TPTE2: variants seen among roughly 807,000 people sequenced by gnomAD.
TPTE2 encodes transmembrane phosphoinositide 3-phosphatase and tensin homolog 2.
TPTE2 carries 53 observed loss-of-function variants against 78.6 expected under a neutral mutation model. The ratio of observed to expected loss-of-function variants is 0.67; its 90% CI spans 0.54 to 0.85. The LOEUF (loss-of-function observed/expected upper bound fraction) is 0.85. Among genes scored for constraint, TPTE2 ranks in the 40% least tolerant of loss-of-function variants. The probability of loss-of-function intolerance (pLI) is 0.00; values close to 1 mark genes in which losing one functional copy is unlikely to be tolerated. For synonymous variants in TPTE2, 175 were observed against 206.2 expected, an observed-to-expected ratio of 0.85 and a Z score of 1.30; for missense variants, 461 against 623.0, an observed-to-expected ratio of 0.74 and a Z score of 2.77.
chr13:19,425,149 A>G (rs1055872852), intron 18 of TPTE2, 132 bp from the exon 22 acceptor site: 54 of 482,116 alleles, frequency 1.1e-4, no homozygotes, highest in Admixed American at 6.9e-4. Flanking sequence ...AGCACTCTGC[A>G]ATCTATAACA....
intron 10 of TPTE2, among the ~76,000 whole-genome samples, chr13:19,455,287 G>T (rs1428949674): frequency 1.3e-5 from 2 of 152,208 alleles, no homozygotes; most frequent in African/African-American, 2.4e-5. Flanking sequence ...GTATAAAAAT[G>T]CTTCCCTGCC....
chr13:19,561,319 G>T, the TPTE2 span: 1 of 743,382 alleles, frequency 1.3e-6, no homozygotes, highest in Non-Finnish European at 2.1e-6. Flanking sequence ...CAGGCACACG[G>T]CGGGGGCCGC....
chr13:19,423,528 C>A (rs1311376287), intron 19 of TPTE2, among the ~76,000 whole-genome samples: 1 of 152,070 alleles, frequency 6.6e-6, no homozygotes, highest in Admixed American at 6.6e-5. Context: ...TGTGAAGTTG[C>A]AATTTTTTGA....
intron 1 of TPTE2, among the ~76,000 whole-genome samples, chr13:19,517,254 C>T (rs903494816): frequency 5.9e-5 from 9 of 152,318 alleles, no homozygotes; most frequent in Admixed American, 5.9e-4. Context: ...AATCAAGATC[C>T]TGTTAGCAGT....
chr13:19,450,280 A>G (rs1878093733), exon 12 of TPTE2: 1 of 1,611,350 alleles, frequency 6.2e-7, no homozygotes, highest in Non-Finnish European at 8.5e-7. Context: ...TGGGGACATT[A>G]TGATCATCAA....
chr13:19,522,619 C>CTTTTTTTT (rs57248346), intron 1 of TPTE2, among the ~76,000 whole-genome samples: 44 of 121,646 alleles, frequency 3.6e-4, no homozygotes, highest in Middle Eastern at 4.0e-3. Flanking sequence ...CTTTTTTTTT[C>CTTTTTTTT]TTTTTTTTTT....
rs761882184 is a variant in TPTE2 at position 19,467,355 on chromosome 13, A to T, written c.393-11T>A. The T allele has an allele frequency of 6.8e-4, 59 of 86,494 alleles. No homozygotes were observed. Among genetic ancestry groups the T allele is most frequent in the East Asian group, 2.9e-3 (4 of 1,398 alleles). 5.4% of individuals were successfully genotyped at this position (86,494 alleles called of 1,614,324 possible). On this transcript the variant is annotated splice_polypyrimidine_tract_variant and intron_variant, in intron 6 of 19. Coordinates refer to ENST00000400230, the Ensembl canonical transcript of TPTE2. Reference sequence around the variant, plus strand: ...AAATACTGCTGTCTCCTGTAATATAAAAAAAAAAAAAAAAAAGTTCATTTC... The same window carrying T: ...AAATACTGCTGTCTCCTGTAATATATAAAAAAAAAAAAAAAAGTTCATTTC...
intron 4 of TPTE2, among the ~76,000 whole-genome samples, chr13:19,481,293 G>A (rs1268411464): frequency 3.3e-5 from 5 of 152,054 alleles, no homozygotes; most frequent in African/African-American, 1.2e-4. Context: ...AAGTATTTTT[G>A]CATGTTATTT....
chr13:19,434,340 T>C (rs145473120), intron 15 of TPTE2, among the ~76,000 whole-genome samples: 3,768 of 152,252 alleles, frequency 0.025, 126 homozygotes, highest in African/African-American at 0.072. Context: ...GGGTATCAAG[T>C]GTCCATAGGC....
upstream of TPTE2, among the ~76,000 whole-genome samples, chr13:19,539,136 C>T (rs186457123): frequency 2.2e-3 from 334 of 152,318 alleles, 1 homozygote; most frequent in Non-Finnish European, 2.1e-3. Context: ...GGGCAGAGCC[C>T]TCATGATCCA....
upstream of TPTE2, among the ~76,000 whole-genome samples, chr13:19,504,847 T>G (rs1566069282): frequency 6.6e-6 from 1 of 152,066 alleles, no homozygotes; most frequent in Non-Finnish European, 1.5e-5. Context: ...CTTTTCTCTT[T>G]CTCTCCCTTT....
At chr13:19,454,310 G>C (rs1332754981) in intron 10 of TPTE2, among the ~76,000 whole-genome samples, 1 of 152,198 alleles carries the variant, frequency 6.6e-6, no homozygotes, top group Non-Finnish European at 1.5e-5. Flanking sequence ...CCTCTCAGGA[G>C]TTAAGTATGC....
chr13:19,534,761 C>T (rs1024692614), intron 1 of TPTE2, among the ~76,000 whole-genome samples: 6 of 152,116 alleles, frequency 3.9e-5, no homozygotes, highest in African/African-American at 9.7e-5. Flanking sequence ...AATTTGTAGC[C>T]AATTTGCATG....
intron 5 of TPTE2, 84 bp from the exon 9 acceptor site, chr13:19,474,159 T>C (rs1413277628): frequency 3.9e-6 from 5 of 1,269,860 alleles, no homozygotes; most frequent in Non-Finnish European, 5.2e-6. Flanking sequence ...ATAGCTATAC[T>C]ATATTTAAGC....
chr13:19,542,912 G>C, the TPTE2 span, among the ~76,000 whole-genome samples: 1 of 151,794 alleles, frequency 6.6e-6, no homozygotes, highest in Non-Finnish European at 1.5e-5. Context: ...AATCACTTGA[G>C]CCCAGGAGGT....
chr13:19,530,916 A>G (rs113156295), intron 1 of TPTE2, among the ~76,000 whole-genome samples: 3,771 of 152,256 alleles, frequency 0.025, 64 homozygotes, highest in Middle Eastern at 0.051. Flanking sequence ...GTACATTCGC[A>G]TTGTTATGTA....
Position 19,486,085 on chromosome 13 carries a change from G to A in TPTE2, c.120-3538C>T, listed in dbSNP as rs1188125399. On this transcript the variant is annotated intron_variant, in intron 3 of 19. Transcript: ENST00000400230. This position sits in a 1 kb window ranked among gnomAD's most constrained non-coding sequence, Gnocchi z 4.3. Reference sequence around the variant, plus strand: ...ATGACATGTTTTCTTGCATTTTCACGGTTGCTGTGTTTCTAAATTGATTTC... The same window carrying A: ...ATGACATGTTTTCTTGCATTTTCACAGTTGCTGTGTTTCTAAATTGATTTC... Among the ~76,000 whole-genome samples, 4 of 151,804 alleles carry A rather than the reference G, an allele frequency of 2.6e-5. No homozygotes were observed. Among genetic ancestry groups the A allele is most frequent in the East Asian group, 1.9e-4 (1 of 5,178 alleles).
rs116037364 is a variant in TPTE2, at chr13:19,427,986, G to C, written c.1303-1469C>G. On this transcript the variant is annotated intron_variant, in intron 17 of 19. Coordinates refer to ENST00000400230, the Ensembl canonical transcript of TPTE2. ...CTGTATGACAAAGACTGGGTGTGCT[G>C]TTATGTACTACTGGGGGCTAGTTAA... Among the ~76,000 whole-genome samples, 1,302 of 152,312 alleles carry C rather than the reference G, an allele frequency of 8.5e-3. 28 individuals are homozygous for C. Among genetic ancestry groups the C allele is most frequent in the African/African-American group, 0.03 (1,237 of 41,554 alleles).
chr13:19,422,963 A>C, exon 20 of TPTE2: 1 of 1,461,892 alleles, frequency 6.8e-7, no homozygotes, highest in Non-Finnish European at 9.4e-7. Context: ...GACTTAGGAC[A>C]CATGAACATG....
Sources: gnomAD v4.1 joint callset for allele counts (sites outside exome capture counted in the v4.1 genomes callset) on GRCh38, gnomAD v4.1.1 for gene constraint, Gnocchi (gnomAD v3.1) non-coding constraint, MANE v1.5 for transcripts, NCBI Gene and HGNC (gene_info 2026-07-23, HGNC 2026-07-21) for gene names.